The following ITGA8 variants were observed in gnomAD, a reference collection of about 807,000 sequenced individuals.
ITGA8 encodes the protein integrin alpha-8.
A neutral mutation model predicts 142.3 loss-of-function variants in ITGA8; 91 were observed. That is an observed-to-expected ratio of 0.64 (90% CI 0.54 to 0.76). The LOEUF is 0.76. ITGA8 is among the 30% of genes least tolerant of loss of function. ITGA8 has a pLI of 0.00. For synonymous variants in ITGA8, 505 were observed against 485.2 expected (o/e 1.04, Z -0.54); for missense variants, 1,406 against 1,327.7 (o/e 1.06, Z -0.92).
intron 22 of ITGA8, among the ~76,000 whole-genome samples, chr10:15,589,764 A>ATTTTTT (rs5783452): frequency 2.2e-5 from 3 of 137,616 alleles, no homozygotes; most frequent in African/African-American, 8.2e-5. Flanking sequence ...CAAACGCTGT[A>ATTTTTT]TTTTTTTTTT....
intron 9 of ITGA8, among the ~76,000 whole-genome samples, chr10:15,659,634 G>T (rs1231425399): frequency 6.6e-6 from 1 of 152,140 alleles, no homozygotes. Context: ...TATCTACCCA[G>T]AACATCAGAA....
chr10:15,715,077 A>C (rs1213072941), intron 2 of ITGA8, among the ~76,000 whole-genome samples: 1 of 152,140 alleles, frequency 6.6e-6, no homozygotes, highest in Non-Finnish European at 1.5e-5. Context: ...CTACTTAGTT[A>C]AGCAGAGAAC....
rs1258178248 is a variant in ITGA8 at position 15,517,133 on chromosome 10, T to A, written c.*25A>T. ...CTTTGAACAGGACCAGTGTTTGAGGTCTTTGGTCTTCTTTTTTTTTCTTGT... is the reference window on the plus strand; with the variant it reads ...CTTTGAACAGGACCAGTGTTTGAGGACTTTGGTCTTCTTTTTTTTTCTTGT... On this transcript the variant is annotated 3_prime_UTR_variant, in exon 30 of 30. Coordinates refer to ENST00000378076, the MANE Select transcript of ITGA8 (RefSeq NM_003638.3). 1.3e-6 allele frequency: 2 copies of A among 1,543,690 alleles called. No homozygotes were observed. The highest frequency in any genetic ancestry group is 1.4e-5 in the African/African-American group (1 of 72,884).
intron 28 of ITGA8, among the ~76,000 whole-genome samples, chr10:15,519,822 A>G (rs1273714830): frequency 6.6e-6 from 1 of 152,188 alleles, no homozygotes; most frequent in Non-Finnish European, 1.5e-5. Context: ...AGCCTCATTG[A>G]GAGAGGTAAG....
chr10:15,657,977 T>G (rs1834218140), intron 10 of ITGA8, among the ~76,000 whole-genome samples: 2 of 152,200 alleles, frequency 1.3e-5, no homozygotes, highest in South Asian at 4.1e-4. Flanking sequence ...GCATCTCAAA[T>G]TATAGAAGAT....
At chr10:15,525,872 T>C (rs1465453105) in intron 28 of ITGA8, among the ~76,000 whole-genome samples, 1 of 152,140 alleles carries the variant, frequency 6.6e-6, no homozygotes, top group African/African-American at 2.4e-5. Context: ...ATTTACATTT[T>C]TTTACTAAGT....
In ITGA8 at chr10:15,527,906, C is replaced by CTTTTTTTTTTTTT. The variant is rs34758919; in HGVS notation, c.2982+3131_2982+3143dup. Among the ~76,000 whole-genome samples, 18 of 78,036 alleles carry CTTTTTTTTTTTTT rather than the reference C, an allele frequency of 2.3e-4. 8 individuals carry two copies. Among genetic ancestry groups the CTTTTTTTTTTTTT allele is most frequent in the East Asian group, 4.6e-4 (1 of 2,168 alleles). The allele number at this position is 78,036 out of a possible 152,430, so 51.2% of individuals were successfully genotyped here. Reference sequence around the variant, plus strand: ...TTAAAGCAATTCCCTTTCGGCTGGGCTTTTTTTTTTTTTTTTTTTTTTTTT... The same window carrying CTTTTTTTTTTTTT: ...TTAAAGCAATTCCCTTTCGGCTGGGCTTTTTTTTTTTTTTTTTTTTTTTTTTTTTTTTTTTTTT... On this transcript the variant is annotated intron_variant, in intron 28 of 29. Transcript: ENST00000378076.
At chr10:15,678,586 C>T (rs9333097) in intron 5 of ITGA8, 136 bp downstream of exon 5, 5,677 of 544,784 alleles carry the variant, frequency 0.01, 243 homozygotes, top group African/African-American at 0.097. Context: ...AGCATTTGCC[C>T]AAACAGGCTA....
chr10:15,530,017 T>C (rs568303394), intron 28 of ITGA8, among the ~76,000 whole-genome samples: 42 of 152,332 alleles, frequency 2.8e-4, no homozygotes, highest in African/African-American at 9.9e-4. Flanking sequence ...ATCCACTGGC[T>C]ACCAAGGGAT....
intron 2 of ITGA8, among the ~76,000 whole-genome samples, chr10:15,709,278 C>T (rs762838014): frequency 3.3e-5 from 5 of 152,186 alleles, no homozygotes; most frequent in African/African-American, 7.2e-5. Flanking sequence ...TTCTCCTCCC[C>T]GAAACTTCTC....
chr10:15,527,697 G>A (rs542187690), intron 28 of ITGA8, among the ~76,000 whole-genome samples: 8 of 152,230 alleles, frequency 5.3e-5, no homozygotes, highest in African/African-American at 1.7e-4. Context: ...GGCCTCAAGA[G>A]ATGGCTGAAT....
chr10:15,709,246 G>A (rs1453980086), intron 2 of ITGA8, among the ~76,000 whole-genome samples: 2 of 152,294 alleles, frequency 1.3e-5, no homozygotes, highest in South Asian at 4.1e-4. Flanking sequence ...CAGAAACGCT[G>A]CTCCAGCTTT....
rs1833228732 is a variant in ITGA8 at position 15,608,102 on chromosome 10, G to A, written c.1609+133C>T. 1.3e-5 allele frequency: 9 copies of A among 698,848 alleles called. No homozygotes were observed. In the East Asian group the frequency reaches 2.4e-4, roughly 18 times the overall value. 43.3% of individuals were successfully genotyped at this position (698,848 alleles called of 1,614,324 possible). A position where few individuals can be genotyped will look rare whatever the true frequency, so the allele number is the denominator to read the frequency against. ...AGTATTGAAGTAATATTTATTAGAAGGTTCCATATATGCAACAGATATCTT... is the reference window on the plus strand; with the variant it reads ...AGTATTGAAGTAATATTTATTAGAAAGTTCCATATATGCAACAGATATCTT... On this transcript the variant is annotated intron_variant, in intron 16 of 29. Transcript: ENST00000378076.
chr10:15,661,976 G>C (rs1394207423), intron 8 of ITGA8, among the ~76,000 whole-genome samples: 1 of 152,106 alleles, frequency 6.6e-6, no homozygotes, highest in African/African-American at 2.4e-5. Flanking sequence ...CTGATTTCAG[G>C]GTCAGGCCTG....
At chr10:15,570,483 G>A (rs970285828) in intron 25 of ITGA8, among the ~76,000 whole-genome samples, 1 of 151,924 alleles carries the variant, frequency 6.6e-6, no homozygotes, top group African/African-American at 2.4e-5. Context: ...GGTGGTACAC[G>A]CCTGTAATCC....
chr10:15,524,600 A>T (rs936538720), intron 28 of ITGA8, among the ~76,000 whole-genome samples: 9 of 152,242 alleles, frequency 5.9e-5, no homozygotes, highest in African/African-American at 2.2e-4. Flanking sequence ...GCAATGGGGC[A>T]TTCCATGTGC....
chr10:15,688,140 C>A lies in ITGA8; in HGVS notation c.344-102G>T, dbSNP rs1016624853. ...TAAAAATACTTGAACTAATACCAAT[C>A]CTTGTCAAACTCCTCCAAAAAAATT... On this transcript the variant is annotated intron_variant, in intron 2 of 29. Coordinates refer to ENST00000378076, the MANE Select transcript of ITGA8 (RefSeq NM_003638.3). 2.8e-5 allele frequency: 22 copies of A among 772,286 alleles called. No individual in the cohort carries two copies. The East Asian group carries it at 5.2e-4, about 18-fold the overall frequency. 47.8% of individuals were successfully genotyped at this position (772,286 alleles called of 1,614,324 possible).
At chr10:15,576,363 AT>A (rs1462423013) in intron 23 of ITGA8, among the ~76,000 whole-genome samples, 9 of 152,244 alleles carry the variant, frequency 5.9e-5, no homozygotes, top group Non-Finnish European at 1.3e-4. Context: ...TAAATGACAT[AT>A]AACACATGGC....
At chr10:15,600,973 C>T (rs1047093689) in intron 20 of ITGA8, among the ~76,000 whole-genome samples, 4 of 152,174 alleles carry the variant, frequency 2.6e-5, no homozygotes, top group Non-Finnish European at 5.9e-5. Flanking sequence ...GATGTGGTGG[C>T]TCACACCTGT....
Sources: allele counts gnomAD v4.1 joint callset (sites outside exome capture counted in the v4.1 genomes callset), GRCh38; gene constraint gnomAD v4.1.1; transcripts MANE v1.5; gene names NCBI Gene and HGNC (gene_info 2026-07-23, HGNC 2026-07-21).